Variants in ZC3HAV1 observed in about 807,000 individuals in gnomAD.
ZC3HAV1 encodes zinc finger CCCH-type antiviral protein 1.
ZC3HAV1 carries 41 observed loss-of-function variants against 86.6 expected under a neutral mutation model. The ratio of observed to expected loss-of-function variants is 0.47; its 90% CI spans 0.37 to 0.61. The LOEUF is 0.61. ZC3HAV1 is among the 20% of genes least tolerant of loss of function. ZC3HAV1 has a pLI of 0.00. For missense variants in ZC3HAV1, 964 were observed against 1,141.1 expected, an observed-to-expected ratio of 0.84 and a Z score of 2.24; for synonymous variants, 421 against 432.1, an observed-to-expected ratio of 0.97 and a Z score of 0.32.
In ZC3HAV1 at chr7:139,076,429, G is replaced by T. The variant is rs769462966; in HGVS notation, c.1574-20C>A. On this transcript the variant is annotated intron_variant, in intron 5 of 12. Transcript: ENST00000242351. ...AGCTACCTACAAAGACAAAGAAGGG[G>T]TCTGAGGGACTGTTGAGCAGGGATT... 6.2e-7 allele frequency: 1 copy of T among 1,613,598 alleles called. No individual in the cohort carries two copies. Among genetic ancestry groups the T allele is most frequent in the Admixed American group, 1.7e-5 (1 of 59,998 alleles).
At chr7:139,072,832 C>A (rs1375577143) in intron 7 of ZC3HAV1, among the ~76,000 whole-genome samples, 1 of 152,118 alleles carries the variant, frequency 6.6e-6, no homozygotes, top group Admixed American at 6.6e-5. Flanking sequence ...TGCCATCATC[C>A]ATACAGTCCT....
chr7:139,057,224 G>A (rs531342665), intron 9 of ZC3HAV1, among the ~76,000 whole-genome samples: 18 of 152,076 alleles, frequency 1.2e-4, no homozygotes, highest in Admixed American at 3.9e-4. Context: ...CAGGTGTGGT[G>A]GTGCACGGCT....
At chr7:139,055,123 C>T (rs1375932604) in intron 10 of ZC3HAV1, 82 bp downstream of exon 10, 1 of 1,253,498 alleles carries the variant, frequency 8.0e-7, no homozygotes, top group South Asian at 1.3e-5. Context: ...ATTCATTCAT[C>T]CAGACAAACA....
chr7:139,060,574 C>T, intron 9 of ZC3HAV1: 2 of 1,007,416 alleles, frequency 2.0e-6, no homozygotes, highest in Non-Finnish European at 2.4e-6. Flanking sequence ...GGCACGGTGG[C>T]TCATGCCTGT....
intron 1 of ZC3HAV1, among the ~76,000 whole-genome samples, chr7:139,106,798 T>C (rs955148352): frequency 4.0e-5 from 6 of 151,178 alleles, no homozygotes; most frequent in Admixed American, 2.7e-4. Flanking sequence ...ATAGTTCTTA[T>C]GTTTTAGAGA....
chr7:139,060,673 TAAA>T (rs35979655), intron 9 of ZC3HAV1: 3,398 of 923,016 alleles, frequency 3.7e-3, no homozygotes, highest in South Asian at 0.014. Flanking sequence ...AGACCCCCTC[TAAA>T]AAAAAAAAAA....
At chr7:139,100,707 G>A (rs1269203686) in intron 1 of ZC3HAV1, among the ~76,000 whole-genome samples, 1 of 152,132 alleles carries the variant, frequency 6.6e-6, no homozygotes, top group African/African-American at 2.4e-5. Context: ...AACACACTTC[G>A]GAAAACAATT....
At chr7:139,094,382 C>T (rs1420962320) in intron 1 of ZC3HAV1, among the ~76,000 whole-genome samples, 4 of 151,974 alleles carry the variant, frequency 2.6e-5, no homozygotes, top group Non-Finnish European at 5.9e-5. Flanking sequence ...AAAGAGCTCT[C>T]CTACTAATTA....
At chr7:139,083,225 G>T (rs1817176966) in intron 3 of ZC3HAV1, among the ~76,000 whole-genome samples, 1 of 134,790 alleles carries the variant, frequency 7.4e-6, no homozygotes. Context: ...TTAGAAAAAT[G>T]ATATACACTT....
chr7:139,057,109 G>A (rs1458603083), intron 9 of ZC3HAV1, among the ~76,000 whole-genome samples: 1 of 93,320 alleles, frequency 1.1e-5, no homozygotes. Flanking sequence ...AGCACTTTGG[G>A]AGGCCGAAGC....
At chr7:139,103,197 C>T (rs1026171057) in intron 1 of ZC3HAV1, among the ~76,000 whole-genome samples, 4 of 150,270 alleles carry the variant, frequency 2.7e-5, no homozygotes, top group Admixed American at 6.6e-5. Context: ...TGCACCACCA[C>T]GCCCAGCTAA....
intron 1 of ZC3HAV1, among the ~76,000 whole-genome samples, chr7:139,103,592 C>G (rs1460302840): frequency 2.6e-5 from 4 of 152,148 alleles, no homozygotes; most frequent in African/African-American, 4.8e-5. Flanking sequence ...AAAGTTGAAG[C>G]TATGTAACAA....
chr7:139,051,406 T>C (rs1007856150), intron 12 of ZC3HAV1, among the ~76,000 whole-genome samples: 1 of 110,592 alleles, frequency 9.0e-6, no homozygotes, highest in African/African-American at 6.6e-5. Context: ...AATCATTTAA[T>C]TTTTTTTTTT....
At chr7:139,100,678 G>A (rs901693564) in intron 1 of ZC3HAV1, among the ~76,000 whole-genome samples, 1 of 152,196 alleles carries the variant, frequency 6.6e-6, no homozygotes, top group Non-Finnish European at 1.5e-5. Flanking sequence ...TATTCTTCTG[G>A]TGGGAGTATA....
intron 12 of ZC3HAV1, among the ~76,000 whole-genome samples, chr7:139,052,120 C>CTT (rs202009952): frequency 6.7e-6 from 1 of 149,666 alleles, no homozygotes; most frequent in African/African-American, 2.5e-5. Context: ...CTCTTTTTTT[C>CTT]TTTTTTTTTC....
At chr7:139,090,894 C>T (rs1028556525) in intron 1 of ZC3HAV1, among the ~76,000 whole-genome samples, 2 of 152,142 alleles carry the variant, frequency 1.3e-5, no homozygotes, top group Non-Finnish European at 2.9e-5. Flanking sequence ...GGAGCCGAGA[C>T]CTTGAAACCC....
chr7:139,052,517 A>T (rs1422927831), intron 12 of ZC3HAV1, among the ~76,000 whole-genome samples: 1 of 150,500 alleles, frequency 6.6e-6, no homozygotes, highest in East Asian at 2.0e-4. Flanking sequence ...AGGCAGGAGA[A>T]TCACTTGAAC....
At chr7:139,051,074 CTTT>C (rs1160868156) in intron 12 of ZC3HAV1, among the ~76,000 whole-genome samples, 2 of 143,412 alleles carry the variant, frequency 1.4e-5, no homozygotes, top group Non-Finnish European at 1.5e-5. Flanking sequence ...TTTCTTTTTT[CTTT>C]TTTTTTTTTT....
intron 1 of ZC3HAV1, among the ~76,000 whole-genome samples, chr7:139,103,433 G>A (rs1817837017): frequency 6.6e-6 from 1 of 151,912 alleles, no homozygotes; most frequent in Non-Finnish European, 1.5e-5. Context: ...TTCAAATAAT[G>A]ACTATTTCAA....
Sources: gnomAD v4.1 joint callset for allele counts (sites outside exome capture counted in the v4.1 genomes callset) on GRCh38, gnomAD v4.1.1 for gene constraint, MANE v1.5 for transcripts, NCBI Gene and HGNC (gene_info 2026-07-23, HGNC 2026-07-21) for gene names.